The following BICD1 variants were observed in gnomAD, a reference collection of about 807,000 sequenced individuals.
BICD1 encodes the protein protein bicaudal D homolog 1.
In BICD1, 35 loss-of-function variants were observed where a neutral mutation model predicts 92.5. That is an observed-to-expected ratio of 0.38 (90% confidence interval 0.29 to 0.50). The LOEUF is 0.50. Ranked by LOEUF, BICD1 falls within the 20% of genes least tolerant of loss-of-function variation. The probability of loss-of-function intolerance (pLI) is 0.93; values close to 1 mark genes in which losing one functional copy is unlikely to be tolerated. For synonymous variants in BICD1, 429 were observed against 465.1 expected, an observed-to-expected ratio of 0.92 and a Z score of 1.00; for missense variants, 950 against 1,189.8, an observed-to-expected ratio of 0.80 and a Z score of 2.97.
intron 1 of BICD1, among the ~76,000 whole-genome samples, chr12:32,169,375 C>T (rs1415294471): frequency 1.3e-5 from 2 of 152,020 alleles, no homozygotes; most frequent in Non-Finnish European, 2.9e-5. Flanking sequence ...CCTTCTGAGG[C>T]CTTCTGAGGA....
rs1037039864 is a variant in BICD1, at chr12:32,313,550, A to G, written c.1005+7428A>G. ...ATTATCTCTGCTTAAACACTCACAG[A>G]ATATTTATAGGATGACATTAATGAA... On this transcript the variant is annotated intron_variant, in intron 4 of 9. Transcript: ENST00000652176. The surrounding 1 kb of genome is among the most constrained non-coding windows in gnomAD (Gnocchi z 4.2). Among the ~76,000 whole-genome samples the G allele has an allele frequency of 1.3e-5, 2 of 152,224 alleles. No homozygotes were observed. The highest frequency in any genetic ancestry group is 4.8e-5 in the African/African-American group (2 of 41,464).
intron 2 of BICD1, among the ~76,000 whole-genome samples, chr12:32,240,262 TG>T (rs1946198653): frequency 6.6e-6 from 1 of 152,218 alleles, no homozygotes; most frequent in Non-Finnish European, 1.5e-5. Flanking sequence ...ATGAATTTTA[TG>T]GCTGAAAACA....
chr12:32,294,181 T>C, intron 3 of BICD1, 35 bp downstream of exon 3: 1 of 1,556,176 alleles, frequency 6.4e-7, no homozygotes, highest in Non-Finnish European at 8.7e-7. Flanking sequence ...ATACTGAAGA[T>C]GGATCTACAT....
In BICD1 at chr12:32,180,448, T is replaced by C. The variant is rs566783653; in HGVS notation, c.214-35799T>C. Among the ~76,000 whole-genome samples the C allele has an allele frequency of 8.2e-4, 124 of 152,108 alleles. 4 individuals are homozygous for C. The South Asian group carries it at 0.025, about 30-fold the overall frequency. On this transcript the variant is annotated intron_variant, in intron 1 of 9. Coordinates refer to ENST00000652176, the MANE Select transcript of BICD1 (RefSeq NM_001714.4). Reference sequence around the variant, plus strand: ...CTGGGATTAGGCCTATTTTTTGGCATTTCCTGTGGTCAAATTTTTAATTTC... The same window carrying C: ...CTGGGATTAGGCCTATTTTTTGGCACTTCCTGTGGTCAAATTTTTAATTTC...
At chr12:32,265,444 C>G (rs1181425970) in intron 2 of BICD1, among the ~76,000 whole-genome samples, 1 of 151,586 alleles carries the variant, frequency 6.6e-6, no homozygotes, top group African/African-American at 2.4e-5. Flanking sequence ...CACGATGGCT[C>G]ACACCTGTAA....
At chr12:32,118,914 G>A (rs1490015035) in intron 1 of BICD1, among the ~76,000 whole-genome samples, 1 of 152,210 alleles carries the variant, frequency 6.6e-6, no homozygotes, top group African/African-American at 2.4e-5. Flanking sequence ...GACCCAATGG[G>A]GCTGCCTGGG....
At chr12:32,284,388 T>C (rs958727855) in intron 2 of BICD1, among the ~76,000 whole-genome samples, 4 of 152,202 alleles carry the variant, frequency 2.6e-5, no homozygotes, top group Non-Finnish European at 4.4e-5. Context: ...TATTATAAAA[T>C]TTCTTTTTCT....
At chr12:32,171,940 TACACACACACAC>T (rs61038844) in intron 1 of BICD1, among the ~76,000 whole-genome samples, 21,342 of 140,958 alleles carry the variant, frequency 0.15, 1,761 homozygotes, top group Admixed American at 0.26. Flanking sequence ...TCTCAAAAAA[TACACACACACAC>T]ACACACACAC....
At chr12:32,358,739 A>C (rs1326556656) in intron 8 of BICD1, among the ~76,000 whole-genome samples, 1 of 145,278 alleles carries the variant, frequency 6.9e-6, no homozygotes, top group African/African-American at 2.9e-5. Context: ...CCACCTCAGA[A>C]AAAAAAGTAA....
intron 1 of BICD1, among the ~76,000 whole-genome samples, chr12:32,131,415 C>A (rs1271522283): frequency 6.6e-6 from 1 of 152,118 alleles, no homozygotes. Context: ...ATGATTATTG[C>A]CCCCAGAAGT....
intron 1 of BICD1, among the ~76,000 whole-genome samples, chr12:32,110,842 TG>T (rs1304387558): frequency 3.5e-5 from 2 of 57,530 alleles, no homozygotes; most frequent in Non-Finnish European, 6.4e-5. Flanking sequence ...TGTTGTGGGG[TG>T]GGGGGAGGGG....
At chr12:32,216,173 C>T in intron 1 of BICD1, 74 bp from the exon 2 acceptor site, 1 of 1,488,902 alleles carries the variant, frequency 6.7e-7, no homozygotes, top group Non-Finnish European at 9.2e-7. Flanking sequence ...CAGAAGAAAA[C>T]ATTTTCCCAA....
chr12:32,113,888 C>G (rs1337603225), intron 1 of BICD1, among the ~76,000 whole-genome samples: 1 of 149,426 alleles, frequency 6.7e-6, no homozygotes, highest in Non-Finnish European at 1.5e-5. Context: ...TTTTTTTTTT[C>G]CAAGACAGAA....
At chr12:32,323,178 T>A (rs1196917021) in intron 4 of BICD1, among the ~76,000 whole-genome samples, 1 of 152,196 alleles carries the variant, frequency 6.6e-6, no homozygotes. Flanking sequence ...AAATTCATCA[T>A]CACCTCTGGA....
At chr12:32,265,309 A>C (rs1288520341) in intron 2 of BICD1, among the ~76,000 whole-genome samples, 2 of 152,158 alleles carry the variant, frequency 1.3e-5, no homozygotes, top group Non-Finnish European at 2.9e-5. Flanking sequence ...TTCTTACTTC[A>C]TCATGGCTAG....
intron 2 of BICD1, among the ~76,000 whole-genome samples, chr12:32,252,279 A>G (rs750446251): frequency 1.4e-5 from 2 of 147,088 alleles, no homozygotes; most frequent in Non-Finnish European, 3.0e-5. Context: ...TAAATTTGCC[A>G]TGTTTGGAGG....
intron 2 of BICD1, among the ~76,000 whole-genome samples, chr12:32,289,175 TG>T (rs1419207655): frequency 6.6e-6 from 1 of 152,188 alleles, no homozygotes; most frequent in Non-Finnish European, 1.5e-5. Context: ...GGCCAGATCA[TG>T]TGACTTCTTT....
At chr12:32,346,459 G>C (rs1333369775) in intron 8 of BICD1, among the ~76,000 whole-genome samples, 1 of 146,012 alleles carries the variant, frequency 6.8e-6, no homozygotes, top group African/African-American at 2.5e-5. Flanking sequence ...AGAGGTTGCA[G>C]TGAGCCAGGA....
intron 4 of BICD1, among the ~76,000 whole-genome samples, chr12:32,318,256 T>C (rs1261608112): frequency 1.3e-5 from 2 of 152,098 alleles, no homozygotes; most frequent in African/African-American, 4.8e-5. Flanking sequence ...AAGAAAGTCA[T>C]TGGTAGCTTG....
Sources: allele counts gnomAD v4.1 joint callset (sites outside exome capture counted in the v4.1 genomes callset), GRCh38; gene constraint gnomAD v4.1.1; non-coding constraint Gnocchi (gnomAD v3.1); transcripts MANE v1.5; gene names NCBI Gene and HGNC (gene_info 2026-07-23, HGNC 2026-07-21).